SOX5: variants seen among roughly 807,000 people sequenced by gnomAD.
SOX5 encodes transcription factor SOX-5.
A neutral mutation model predicts 92.0 loss-of-function variants in SOX5; 9 were observed. The ratio of observed to expected loss-of-function variants is 0.10; its 90% CI spans 0.06 to 0.17. The LOEUF is 0.17. SOX5 is among the 10% of genes least tolerant of loss of function. The probability of loss-of-function intolerance (pLI) is 1.00; values close to 1 mark genes in which losing one functional copy is unlikely to be tolerated. For missense variants in SOX5, 642 were observed against 944.5 expected (o/e 0.68, Z 4.20); for synonymous variants, 344 against 336.3 (o/e 1.02, Z -0.25).
intron 4 of SOX5, among the ~76,000 whole-genome samples, chr12:23,983,082 G>T (rs1035839194): frequency 6.7e-6 from 1 of 150,322 alleles, no homozygotes; most frequent in African/African-American, 2.4e-5. Context: ...CTCAGGTTTG[G>T]TAGTCACTGG....
At chr12:24,219,040 G>T (rs1488002171) in intron 3 of SOX5, among the ~76,000 whole-genome samples, 1 of 151,946 alleles carries the variant, frequency 6.6e-6, no homozygotes, top group East Asian at 1.9e-4. Context: ...TTAGAATTTT[G>T]TAAAACCATA....
At chr12:23,802,043 C>T (rs188912750) in intron 3 of SOX5, among the ~76,000 whole-genome samples, 9 of 152,032 alleles carry the variant, frequency 5.9e-5, no homozygotes, top group East Asian at 3.9e-4. Context: ...ACAAACTTTA[C>T]GGAACATTTA....
chr12:23,854,900 G>T (rs1225873100), intron 2 of SOX5, among the ~76,000 whole-genome samples: 2 of 151,860 alleles, frequency 1.3e-5, no homozygotes, highest in Admixed American at 6.6e-5. Context: ...TATGAGCTGG[G>T]GTATTACATA....
intron 3 of SOX5, among the ~76,000 whole-genome samples, chr12:23,769,688 G>T (rs997742039): frequency 2.0e-5 from 3 of 152,030 alleles, no homozygotes; most frequent in African/African-American, 4.8e-5. Flanking sequence ...GGTTAATAGG[G>T]GCCGGTCTAC....
intron 4 of SOX5, among the ~76,000 whole-genome samples, chr12:24,157,083 GTT>G (rs1392049212): frequency 6.6e-6 from 1 of 151,892 alleles, no homozygotes; most frequent in African/African-American, 2.4e-5. Flanking sequence ...TATCTTCAGT[GTT>G]TTCTTTCCAT....
chr12:24,000,279 A>G (rs570635134), intron 4 of SOX5, among the ~76,000 whole-genome samples: 5 of 151,848 alleles, frequency 3.3e-5, no homozygotes, highest in Non-Finnish European at 7.4e-5. Context: ...GTGGGTTAAT[A>G]TTTTAAAAAC....
intron 1 of SOX5, among the ~76,000 whole-genome samples, chr12:24,539,540 A>AG (rs1951931843): frequency 6.6e-6 from 1 of 152,118 alleles, no homozygotes. Flanking sequence ...TAGACATTTG[A>AG]TCCCTATTGT....
intron 1 of SOX5, among the ~76,000 whole-genome samples, chr12:24,494,646 T>A (rs1177194697): frequency 1.3e-5 from 2 of 152,184 alleles, no homozygotes; most frequent in Admixed American, 6.5e-5. Flanking sequence ...AATTTTGTGC[T>A]GATGTAAATG....
intron 2 of SOX5, among the ~76,000 whole-genome samples, chr12:24,288,721 T>G (rs1488650278): frequency 7.0e-6 from 1 of 143,544 alleles, no homozygotes; most frequent in Non-Finnish European, 1.5e-5. Context: ...ATAGCACACA[T>G]TGAAAACCTT....
chr12:23,627,615 C>A (rs1471792885), intron 8 of SOX5, among the ~76,000 whole-genome samples: 1 of 152,038 alleles, frequency 6.6e-6, no homozygotes, highest in Non-Finnish European at 1.5e-5. Context: ...CCTCACAACA[C>A]CTTTATCATG....
At chr12:24,035,457 C>G (rs17482674) in intron 4 of SOX5, among the ~76,000 whole-genome samples, 1 of 151,916 alleles carries the variant, frequency 6.6e-6, no homozygotes, top group Non-Finnish European at 1.5e-5. Flanking sequence ...CCACTTGAAG[C>G]TGTAACAATG....
chr12:24,426,086 G>C (rs1414732357), intron 1 of SOX5, among the ~76,000 whole-genome samples: 2 of 152,168 alleles, frequency 1.3e-5, no homozygotes, highest in African/African-American at 2.4e-5. Flanking sequence ...TGTAATCCCA[G>C]CACTTTGGGA....
intron 1 of SOX5, among the ~76,000 whole-genome samples, chr12:24,536,879 A>G (rs1389163785): frequency 6.6e-6 from 1 of 152,238 alleles, no homozygotes; most frequent in Non-Finnish European, 1.5e-5. Flanking sequence ...GGAAAAAAAC[A>G]TGCAGAATAT....
intron 1 of SOX5, among the ~76,000 whole-genome samples, chr12:24,467,220 A>C (rs11608790): frequency 6.6e-6 from 1 of 152,208 alleles, no homozygotes; most frequent in Admixed American, 6.5e-5. Context: ...CATTCATTCA[A>C]CAAGCATTTC....
intron 1 of SOX5, among the ~76,000 whole-genome samples, chr12:24,538,637 A>ACT (rs776643714): frequency 3.2e-4 from 48 of 150,340 alleles, no homozygotes; most frequent in Non-Finnish European, 5.6e-4. Context: ...ACACACACAC[A>ACT]CTACACGATA....
chr12:24,036,418 T>G (rs1330760067), intron 4 of SOX5, among the ~76,000 whole-genome samples: 1 of 152,172 alleles, frequency 6.6e-6, no homozygotes, highest in Non-Finnish European at 1.5e-5. Context: ...TACAAAATAA[T>G]TAGATACTGC....
chr12:24,165,589 G>A (rs375149559), intron 4 of SOX5, among the ~76,000 whole-genome samples: 1 of 152,118 alleles, frequency 6.6e-6, no homozygotes, highest in Non-Finnish European at 1.5e-5. Context: ...GATTTGTGAA[G>A]GAGTACAAGA....
chr12:24,327,804 G>A (rs1007722905), intron 2 of SOX5, among the ~76,000 whole-genome samples: 1 of 151,876 alleles, frequency 6.6e-6, no homozygotes, highest in African/African-American at 2.4e-5. Flanking sequence ...ATATTAACCA[G>A]GATGGTCTCC....
At chr12:23,566,672 G>A (rs1259531206) in intron 10 of SOX5, among the ~76,000 whole-genome samples, 3 of 152,170 alleles carry the variant, frequency 2.0e-5, no homozygotes, top group East Asian at 3.8e-4. Flanking sequence ...ACTGTTCTAA[G>A]TTGCAATTGT....
Sources: gnomAD v4.1 joint callset for allele counts (sites outside exome capture counted in the v4.1 genomes callset) on GRCh38, gnomAD v4.1.1 for gene constraint, MANE v1.5 for transcripts, NCBI Gene and HGNC (gene_info 2026-07-23, HGNC 2026-07-21) for gene names.